The following CDH20 variants were observed in gnomAD, a reference collection of about 807,000 sequenced individuals.
CDH20 encodes the protein cadherin-20.
CDH20 carries 29 observed loss-of-function variants against 74.2 expected under a neutral mutation model. The observed-to-expected ratio is 0.39, with a 90% CI of 0.29 to 0.53. The LOEUF (loss-of-function observed/expected upper bound fraction) is 0.53. Ranked by LOEUF, CDH20 falls within the 20% of genes least tolerant of loss-of-function variation. The pLI is 0.69. For missense variants in CDH20, 988 were observed against 1,048.3 expected, an observed-to-expected ratio of 0.94 and a Z score of 0.79; for synonymous variants, 469 against 405.4, an observed-to-expected ratio of 1.16 and a Z score of -1.88.
chr18:61,434,404 C>G (rs748872622), intron 1 of CDH20, among the ~76,000 whole-genome samples: 4 of 152,100 alleles, frequency 2.6e-5, no homozygotes, highest in Non-Finnish European at 4.4e-5. Context: ...TTCAAAGTAT[C>G]CTTCAGAATT....
chr18:61,348,429 T>C (rs1407004374), intron 1 of CDH20, among the ~76,000 whole-genome samples: 1 of 152,226 alleles, frequency 6.6e-6, no homozygotes, highest in African/African-American at 2.4e-5. Flanking sequence ...CCAGTTGTTA[T>C]CTTGGGTGTT....
In CDH20 at chr18:61,353,116, A is replaced by T. The variant is rs1041258723; in HGVS notation, c.-153+19289A>T. 1.5e-4 allele frequency among the ~76,000 whole-genome samples: 23 copies of T among 152,120 alleles called. 1 individual carries two copies. Among genetic ancestry groups the T allele is most frequent in the African/African-American group, 5.1e-4 (21 of 41,416 alleles). On this transcript the variant is annotated intron_variant, in intron 1 of 11. Transcript: ENST00000262717. The surrounding 1 kb of genome is among the most constrained non-coding windows in gnomAD (Gnocchi z 4.6). ...CACCTCCCCTGCAATCACCTCCATG[A>T]TGTGTGCCCCAACAAAGGCGCGGGT...
intron 1 of CDH20, among the ~76,000 whole-genome samples, chr18:61,369,021 T>C (rs1478590521): frequency 6.6e-6 from 1 of 152,048 alleles, no homozygotes; most frequent in Non-Finnish European, 1.5e-5. Context: ...AAGATACAGA[T>C]AACTTGTAGG....
chr18:61,493,901 C>T (rs1250256044), intron 2 of CDH20, among the ~76,000 whole-genome samples: 4 of 152,092 alleles, frequency 2.6e-5, no homozygotes, highest in Non-Finnish European at 4.4e-5. Flanking sequence ...GAAATTGAGA[C>T]GCCACTCACC....
At chr18:61,493,240 G>A (rs182342173) in intron 2 of CDH20, among the ~76,000 whole-genome samples, 25 of 151,948 alleles carry the variant, frequency 1.6e-4, no homozygotes, top group Admixed American at 2.0e-4. Context: ...AGTTTCTCTC[G>A]GATGCATCTC....
At chr18:61,336,208 G>T (rs538584986) in intron 1 of CDH20, among the ~76,000 whole-genome samples, 1 of 152,348 alleles carries the variant, frequency 6.6e-6, no homozygotes, top group South Asian at 2.1e-4. Flanking sequence ...AACAGATCTA[G>T]CATTGCTTGT....
rs1250139900 is a variant in CDH20, at chr18:61,353,405, C to G, written c.-153+19578C>G. 1.3e-5 allele frequency among the ~76,000 whole-genome samples: 2 copies of G among 152,146 alleles called. No individual in the cohort carries two copies. Among genetic ancestry groups the G allele is most frequent in the Non-Finnish European group, 2.9e-5 (2 of 68,032 alleles). ...CAAAAGCCTTCTCAATTTTATGGGT[C>G]AATAGTTACTTCTTCTTCCCCTAGA... On this transcript the variant is annotated intron_variant, in intron 1 of 11. Coordinates refer to ENST00000262717, the MANE Select transcript of CDH20 (RefSeq NM_031891.4). The surrounding 1 kb of genome is among the most constrained non-coding windows in gnomAD (Gnocchi z 4.6).
At chr18:61,381,642 A>G (rs1437619379) in intron 1 of CDH20, among the ~76,000 whole-genome samples, 3 of 152,230 alleles carry the variant, frequency 2.0e-5, no homozygotes, top group Non-Finnish European at 4.4e-5. Context: ...AGGGAGATGG[A>G]TGTTAGAGAG....
chr18:61,507,267 A>C, intron 5 of CDH20, 106 bp from the exon 6 acceptor site: 2 of 1,106,452 alleles, frequency 1.8e-6, no homozygotes, highest in Non-Finnish European at 2.6e-6. Context: ...TACTTTTTGA[A>C]CCCAGAAAAA....
At chr18:61,385,912 A>G (rs1282354786) in intron 1 of CDH20, among the ~76,000 whole-genome samples, 1 of 150,170 alleles carries the variant, frequency 6.7e-6, no homozygotes, top group Non-Finnish European at 1.5e-5. Context: ...CCTGGGCAAC[A>G]AAGTGAGACT....
intron 5 of CDH20, among the ~76,000 whole-genome samples, chr18:61,504,087 G>C (rs2144324551): frequency 6.6e-6 from 1 of 152,244 alleles, no homozygotes; most frequent in East Asian, 1.9e-4. Context: ...TACGTTCAAA[G>C]ACTCCTAAAA....
chr18:61,450,267 G>A (rs1314346945), intron 1 of CDH20, among the ~76,000 whole-genome samples: 1 of 151,542 alleles, frequency 6.6e-6, no homozygotes, highest in East Asian at 1.9e-4. Context: ...AGAGTAAATA[G>A]CATGGAAGAG....
intron 1 of CDH20, among the ~76,000 whole-genome samples, chr18:61,416,453 T>A (rs543873581): frequency 1.3e-5 from 2 of 152,336 alleles, no homozygotes; most frequent in South Asian, 4.1e-4. Context: ...AGAGAGACAG[T>A]CCAACCTTAG....
rs1188775499 is a variant in CDH20, at chr18:61,333,674, TA to T, written c.-305del. On this transcript the variant is annotated 5_prime_UTR_variant, in exon 1 of 12. Transcript: ENST00000262717. ...GCTGTGACACTTCTGACAGAGGGGGTAGGGGGGTGGGGGGCGGGGACAGCGC... is the reference window on the plus strand; with the variant it reads ...GCTGTGACACTTCTGACAGAGGGGGTGGGGGGTGGGGGGCGGGGACAGCGC... 251 of 15,056 alleles carry T rather than the reference TA, an allele frequency of 0.017. 1 individual carries two copies. The highest frequency in any genetic ancestry group is 0.056 in the African/African-American group (223 of 3,954). The allele number at this position is 15,056 out of a possible 1,614,324, so 0.9% of individuals were successfully genotyped here. A position where few individuals can be genotyped will look rare whatever the true frequency, so the allele number is the denominator to read the frequency against.
intron 1 of CDH20, among the ~76,000 whole-genome samples, chr18:61,432,811 C>T (rs1169572252): frequency 6.6e-6 from 1 of 152,160 alleles, no homozygotes; most frequent in African/African-American, 2.4e-5. Flanking sequence ...TTTACTTTCC[C>T]TTCTTCCTTT....
At chr18:61,387,323 G>A (rs1266567548) in intron 1 of CDH20, among the ~76,000 whole-genome samples, 1 of 152,166 alleles carries the variant, frequency 6.6e-6, no homozygotes, top group Non-Finnish European at 1.5e-5. Flanking sequence ...AGAGTGGGAA[G>A]CCAGAGGTAG....
chr18:61,347,141 T>C (rs1381315394), intron 1 of CDH20, among the ~76,000 whole-genome samples: 2 of 151,250 alleles, frequency 1.3e-5, no homozygotes, highest in East Asian at 3.9e-4. Context: ...TGCCAACAAA[T>C]GTTAACTATC....
intron 1 of CDH20, among the ~76,000 whole-genome samples, chr18:61,367,957 G>A (rs1329175166): frequency 6.6e-6 from 1 of 151,866 alleles, no homozygotes; most frequent in Non-Finnish European, 1.5e-5. Flanking sequence ...CTTCTTATAA[G>A]GACACCAGTC....
intron 1 of CDH20, among the ~76,000 whole-genome samples, chr18:61,368,572 C>T (rs1403164853): frequency 2.0e-5 from 3 of 151,768 alleles, no homozygotes; most frequent in Admixed American, 1.3e-4. Context: ...AATTTTTGGA[C>T]ATTAGAAGAC....
Sources: gnomAD v4.1 joint callset for allele counts (sites outside exome capture counted in the v4.1 genomes callset) on GRCh38, gnomAD v4.1.1 for gene constraint, Gnocchi (gnomAD v3.1) non-coding constraint, MANE v1.5 for transcripts, NCBI Gene and HGNC (gene_info 2026-07-23, HGNC 2026-07-21) for gene names.